The following LRRTM4 variants were observed in gnomAD, a reference collection of about 807,000 sequenced individuals.
LRRTM4 encodes the protein leucine-rich repeat transmembrane neuronal protein 4.
LRRTM4 carries 25 observed loss-of-function variants against 47.6 expected under a neutral mutation model. The observed-to-expected ratio is 0.53, with a 90% CI of 0.38 to 0.73. LRRTM4 has a LOEUF of 0.73. Among genes scored for constraint, LRRTM4 ranks in the 30% least tolerant of loss-of-function variants. LRRTM4 has a pLI of 0.00. For synonymous variants in LRRTM4, 311 were observed against 269.5 expected, an observed-to-expected ratio of 1.15 and a Z score of -1.51; for missense variants, 638 against 713.4, an observed-to-expected ratio of 0.89 and a Z score of 1.20.
intron 3 of LRRTM4, among the ~76,000 whole-genome samples, chr2:76,762,613 A>G (rs867733832): frequency 1.3e-5 from 2 of 152,204 alleles, no homozygotes; most frequent in African/African-American, 4.8e-5. Context: ...TGAAAACATG[A>G]AAAGGCTCCA....
intron 3 of LRRTM4, among the ~76,000 whole-genome samples, chr2:77,013,444 G>A (rs1573451250): frequency 6.6e-6 from 1 of 151,876 alleles, no homozygotes; most frequent in African/African-American, 2.4e-5. Context: ...AATGAGCATT[G>A]GATGGAAAAC....
intron 3 of LRRTM4, among the ~76,000 whole-genome samples, chr2:76,833,480 C>T (rs561687283): frequency 4.6e-5 from 7 of 152,112 alleles, no homozygotes; most frequent in South Asian, 2.1e-4. Context: ...AGTTTTCAAA[C>T]GCATGATGGT....
intron 3 of LRRTM4, among the ~76,000 whole-genome samples, chr2:76,876,153 G>GA (rs879507340): frequency 4.7e-4 from 71 of 151,648 alleles, no homozygotes; most frequent in African/African-American, 8.2e-4. Flanking sequence ...CGATTTTAGA[G>GA]AAAAAAAAGA....
chr2:76,806,206 CAGAAAAA>C (rs1189386839), intron 3 of LRRTM4, among the ~76,000 whole-genome samples: 8 of 152,052 alleles, frequency 5.3e-5, no homozygotes, highest in African/African-American at 1.9e-4. Context: ...ACTAGGCACT[CAGAAAAA>C]GGAAAAGTGG....
intron 3 of LRRTM4, among the ~76,000 whole-genome samples, chr2:76,794,816 G>A (rs940862789): frequency 4.6e-5 from 7 of 151,712 alleles, no homozygotes; most frequent in Non-Finnish European, 7.4e-5. Flanking sequence ...AATCCCCCAA[G>A]TCAGACAATG....
At chr2:77,490,103 A>C (rs1461595301) in intron 3 of LRRTM4, among the ~76,000 whole-genome samples, 3 of 152,068 alleles carry the variant, frequency 2.0e-5, no homozygotes, top group Non-Finnish European at 4.4e-5. Flanking sequence ...TACAAACATT[A>C]GCCGGGCACG....
intron 3 of LRRTM4, among the ~76,000 whole-genome samples, chr2:77,296,139 T>G (rs78679526): frequency 0.035 from 5,401 of 152,262 alleles, 324 homozygotes; most frequent in African/African-American, 0.12. Flanking sequence ...TTAAACTTGT[T>G]GAAAAATTTC....
At chr2:77,207,142 T>TTATATATATATA (rs35745580) in intron 3 of LRRTM4, among the ~76,000 whole-genome samples, 34 of 136,832 alleles carry the variant, frequency 2.5e-4, no homozygotes, top group African/African-American at 9.2e-4. Context: ...TATTTTATAT[T>TTATATATATATA]TATATATATA....
chr2:77,314,920 C>T (rs573373661), intron 3 of LRRTM4, among the ~76,000 whole-genome samples: 8 of 152,248 alleles, frequency 5.3e-5, no homozygotes, highest in Admixed American at 3.3e-4. Context: ...GGTAAACACT[C>T]GATCTCTGCA....
intron 3 of LRRTM4, among the ~76,000 whole-genome samples, chr2:77,076,135 A>G (rs912646496): frequency 3.3e-5 from 5 of 152,132 alleles, no homozygotes; most frequent in Admixed American, 6.5e-5. Context: ...GAAGAGAAAG[A>G]TGCTGCAGCT....
chr2:77,315,573 T>C (rs1178531893), intron 3 of LRRTM4, among the ~76,000 whole-genome samples: 2 of 152,220 alleles, frequency 1.3e-5, no homozygotes, highest in Admixed American at 1.3e-4. Flanking sequence ...AATAACAAAA[T>C]TTCTTATGAA....
chr2:77,176,797 A>G (rs562759428), intron 3 of LRRTM4, among the ~76,000 whole-genome samples: 1 of 152,326 alleles, frequency 6.6e-6, no homozygotes, highest in South Asian at 2.1e-4. Context: ...TTGTTTTACC[A>G]GAAACCAATC....
chr2:76,784,777 C>A (rs543201201), intron 3 of LRRTM4, among the ~76,000 whole-genome samples: 1 of 150,058 alleles, frequency 6.7e-6, no homozygotes, highest in Non-Finnish European at 1.5e-5. Context: ...AGATTGAATT[C>A]TTTTTGTATG....
At chr2:76,948,728 A>C (rs1675404595) in intron 3 of LRRTM4, among the ~76,000 whole-genome samples, 1 of 151,866 alleles carries the variant, frequency 6.6e-6, no homozygotes, top group African/African-American at 2.4e-5. Flanking sequence ...GGAGGAAGTA[A>C]TAATGATTTG....
At chr2:76,753,555 C>A (rs1205933699) in intron 3 of LRRTM4, among the ~76,000 whole-genome samples, 1 of 151,926 alleles carries the variant, frequency 6.6e-6, no homozygotes, top group Non-Finnish European at 1.5e-5. Context: ...TCTTCAAATA[C>A]AATGAAGAAG....
chr2:76,755,735 C>T (rs1237743235), intron 3 of LRRTM4, among the ~76,000 whole-genome samples: 2 of 152,150 alleles, frequency 1.3e-5, no homozygotes, highest in Admixed American at 1.3e-4. Context: ...AAAGGAGCCT[C>T]AGCCTTACTC....
chr2:77,508,666 G>A (rs954358732), intron 3 of LRRTM4, among the ~76,000 whole-genome samples: 5 of 151,864 alleles, frequency 3.3e-5, no homozygotes, highest in Non-Finnish European at 5.9e-5. Context: ...AAAGAAATGT[G>A]TTTCAGTTTA....
At chr2:77,006,414 T>C (rs966067891) in intron 3 of LRRTM4, among the ~76,000 whole-genome samples, 1 of 152,170 alleles carries the variant, frequency 6.6e-6, no homozygotes, top group African/African-American at 2.4e-5. Context: ...AAATATGACC[T>C]AGGAATATTA....
chr2:76,957,593 A>T (rs893045193), intron 3 of LRRTM4, among the ~76,000 whole-genome samples: 5 of 151,694 alleles, frequency 3.3e-5, no homozygotes, highest in Non-Finnish European at 7.4e-5. Flanking sequence ...TCTATTCCAG[A>T]ATTATTTTTC....
Sources: allele counts gnomAD v4.1 joint callset (sites outside exome capture counted in the v4.1 genomes callset), GRCh38; gene constraint gnomAD v4.1.1; transcripts MANE v1.5; gene names NCBI Gene and HGNC (gene_info 2026-07-23, HGNC 2026-07-21).